The following PXN variants were observed in gnomAD, a reference collection of about 807,000 sequenced individuals.
PXN encodes testicular tissue protein Li 134.
A neutral mutation model predicts 103.6 loss-of-function variants in PXN; 61 were observed. The observed-to-expected ratio is 0.59, with a 90% confidence interval of 0.48 to 0.73. PXN has a LOEUF of 0.73. PXN is among the 30% of genes least tolerant of loss of function. The pLI, the probability that PXN is intolerant of heterozygous loss-of-function variation, is 0.00. For missense variants in PXN, 1,274 were observed against 1,460.3 expected (o/e 0.87, Z 2.08); for synonymous variants, 562 against 607.8 (o/e 0.92, Z 1.11).
At chr12:120,255,249 G>T (rs1892816871) in intron 1 of PXN, among the ~76,000 whole-genome samples, 1 of 152,192 alleles carries the variant, frequency 6.6e-6, no homozygotes, top group Non-Finnish European at 1.5e-5. Flanking sequence ...CCTCCACTCA[G>T]GGATCAGAGG....
rs1393089970 is a variant in PXN at position 120,265,034 on chromosome 12, G to A, written c.13+583C>T. ...TGTGGTCATCACACGCTCATCTCTA[G>A]CTTTTGCATCTGACTTGTGAAATGA... On this transcript the variant is annotated intron_variant, in intron 1 of 14. Transcript: ENST00000637617. The surrounding 1 kb of genome is among the most constrained non-coding windows in gnomAD (Gnocchi z 5.7). Among the ~76,000 whole-genome samples the A allele has an allele frequency of 2.0e-5, 3 of 152,014 alleles. No individual in the cohort carries two copies. The highest frequency in any genetic ancestry group is 4.4e-5 in the Non-Finnish European group (3 of 68,018).
chr12:120,215,988 G>C lies in PXN; in HGVS notation c.2301+285C>G. On this transcript the variant is annotated intron_variant, in intron 9 of 14. Coordinates refer to ENST00000637617, the MANE Select transcript of PXN (RefSeq NM_001385981.1). This position sits in a 1 kb window ranked among gnomAD's most constrained non-coding sequence, Gnocchi z 4.9. ...ACAGGTTTCTGGTCTCCCTTCTGGA[G>C]TGGCTTCTTTCCTCGATGGGAGCCC... is the stretch of plus-strand genomic sequence containing the variant. 7.3e-7 allele frequency: 1 copy of C among 1,371,746 alleles called. No individual in the cohort carries two copies. Among genetic ancestry groups the C allele is most frequent in the Non-Finnish European group, 9.4e-7 (1 of 1,063,224 alleles). The allele number at this position is 1,371,746 out of a possible 1,614,324, so 85.0% of individuals were successfully genotyped here.
chr12:120,259,986 G>A (rs934594547), intron 1 of PXN, among the ~76,000 whole-genome samples: 1 of 152,190 alleles, frequency 6.6e-6, no homozygotes, highest in Admixed American at 6.5e-5. Flanking sequence ...CGGGTGCAGC[G>A]GGGCTGGGGG....
chr12:120,241,429 C>T (rs888781158), intron 1 of PXN, among the ~76,000 whole-genome samples: 2 of 152,250 alleles, frequency 1.3e-5, no homozygotes, highest in African/African-American at 2.4e-5. Flanking sequence ...ACCTGTCTCA[C>T]GTGCCTCCTC....
At position 120,220,189 on chromosome 12, in the gene PXN, A is replaced by C; in HGVS notation, c.832-98T>G. On this transcript the variant is annotated intron_variant, in intron 6 of 14. Transcript: ENST00000637617. The surrounding 1 kb of genome is among the most constrained non-coding windows in gnomAD (Gnocchi z 6.1). ...GGCGGTGGGCTCGGCCTTAGGGCTG[A>C]CCAAGGTGGCTGCAAAGCTGACGCA... The C allele has an allele frequency of 1.9e-6, 1 of 527,222 alleles. No homozygotes were observed. 32.7% of individuals were successfully genotyped at this position (527,222 alleles called of 1,614,324 possible). A position where few individuals can be genotyped will look rare whatever the true frequency, so the allele number is the denominator to read the frequency against.
intron 1 of PXN, among the ~76,000 whole-genome samples, chr12:120,227,460 C>T (rs1887115808): frequency 6.6e-6 from 1 of 152,234 alleles, no homozygotes; most frequent in Non-Finnish European, 1.5e-5. Context: ...ACAATTGCAC[C>T]ACTGCACTCT....
In PXN at chr12:120,249,677, C is replaced by T. The variant is rs964477965; in HGVS notation, c.13+15940G>A. Among the ~76,000 whole-genome samples the T allele has an allele frequency of 5.9e-5, 9 of 152,280 alleles. 1 individual carries two copies. Among genetic ancestry groups the T allele is most frequent in the Middle Eastern group, 3.4e-3 (1 of 294 alleles). On this transcript the variant is annotated intron_variant, in intron 1 of 14. Coordinates refer to ENST00000637617, the MANE Select transcript of PXN (RefSeq NM_001385981.1). ...AGTGACCACAGGAAGCCATGACAAC[C>T]GCCTCCAGGTAACGATCTTCTTCCC... is the stretch of plus-strand genomic sequence containing the variant.
Position 120,229,335 on chromosome 12 carries a change from G to T in PXN, c.14-4958C>A, listed in dbSNP as rs534862805. 1.3e-5 allele frequency among the ~76,000 whole-genome samples: 2 copies of T among 152,324 alleles called. No individual in the cohort carries two copies. The highest frequency in any genetic ancestry group is 3.9e-4 in the East Asian group (2 of 5,182). ...AAGCCCCTGCCACTTCTTAGTGTGT[G>T]ATAAAGACTATCAAGACCAGAGGCC... is the stretch of plus-strand genomic sequence containing the variant. On this transcript the variant is annotated intron_variant, in intron 1 of 14. Coordinates refer to ENST00000637617, the MANE Select transcript of PXN (RefSeq NM_001385981.1). The surrounding 1 kb of genome is among the most constrained non-coding windows in gnomAD (Gnocchi z 4.0).
intron 1 of PXN, among the ~76,000 whole-genome samples, chr12:120,244,527 A>C (rs1222279369): frequency 1.3e-5 from 2 of 152,076 alleles, no homozygotes; most frequent in African/African-American, 4.8e-5. Flanking sequence ...GGGCGCCTGT[A>C]GTCCCAGCTA....
Position 120,214,801 on chromosome 12 carries a change from C to T in PXN, c.2748+24G>A, listed in dbSNP as rs776002139. ...TGAAGCTGGAATGAGCGGAAGCGGGCGCGGTGCCGGATGAGGAACTCACAT... is the reference window on the plus strand; with the variant it reads ...TGAAGCTGGAATGAGCGGAAGCGGGTGCGGTGCCGGATGAGGAACTCACAT... On this transcript the variant is annotated intron_variant, in intron 12 of 14. Transcript: ENST00000637617. The surrounding 1 kb of genome is among the most constrained non-coding windows in gnomAD (Gnocchi z 5.0). 20 of 1,612,568 alleles carry T rather than the reference C, an allele frequency of 1.2e-5. No individual in the cohort carries two copies. The highest frequency in any genetic ancestry group is 1.7e-4 in the Middle Eastern group (1 of 6,018).
At position 120,217,599 on chromosome 12, in the gene PXN, G is replaced by A. The variant is rs1445666028; in HGVS notation, c.1717-483C>T. Reference sequence around the variant, plus strand: ...CTTCCAGGAACTTTTTTTTGGGGGGGGACAGAGTCTCGCTCTGTCGCCCAG... The same window carrying A: ...CTTCCAGGAACTTTTTTTTGGGGGGAGACAGAGTCTCGCTCTGTCGCCCAG... On this transcript the variant is annotated intron_variant, in intron 7 of 14. Coordinates refer to ENST00000637617, the MANE Select transcript of PXN (RefSeq NM_001385981.1). The surrounding 1 kb of genome is among the most constrained non-coding windows in gnomAD (Gnocchi z 4.1). Among the ~76,000 whole-genome samples the A allele has an allele frequency of 1.3e-5, 2 of 151,074 alleles. No homozygotes were observed. The highest frequency in any genetic ancestry group is 4.9e-5 in the African/African-American group (2 of 41,050).
At position 120,265,495 on chromosome 12, in the gene PXN, C is replaced by T; in HGVS notation, c.13+122G>A. On this transcript the variant is annotated intron_variant, in intron 1 of 14. Transcript: ENST00000637617. The surrounding 1 kb of genome is among the most constrained non-coding windows in gnomAD (Gnocchi z 5.7). Reference sequence around the variant, plus strand: ...CCCGCGGAGCCCCGGCCGGCAGGGACAGGAGCTGAGGCCGGGGCCGCCGAG... The same window carrying T: ...CCCGCGGAGCCCCGGCCGGCAGGGATAGGAGCTGAGGCCGGGGCCGCCGAG... 8.6e-7 allele frequency: 1 copy of T among 1,166,954 alleles called. No homozygotes were observed. The allele number at this position is 1,166,954 out of a possible 1,614,324, so 72.3% of individuals were successfully genotyped here.
At chr12:120,223,681 C>T (rs762639057) in intron 3 of PXN, 37 bp downstream of exon 3, 1 of 1,472,046 alleles carries the variant, frequency 6.8e-7, no homozygotes, top group South Asian at 1.2e-5. Flanking sequence ...GATTTCTAAG[C>T]AGGAGGGAAG....
chr12:120,222,909 C>T lies in PXN; in HGVS notation c.447G>A (p.Leu149=), dbSNP rs200263365. 1.0e-4 allele frequency: 164 copies of T among 1,613,970 alleles called. 1 individual carries two copies. The African/African-American group carries it at 2.1e-3, about 20-fold the overall frequency. Residue 149 remains leucine, a synonymous_variant, in exon 4 of 15, where the codon CTG becomes CTA. Coordinates refer to ENST00000637617, the MANE Select transcript of PXN (RefSeq NM_001385981.1). The surrounding 1 kb of genome is among the most constrained non-coding windows in gnomAD (Gnocchi z 4.7). ...TATGCTGTACAGCGTTCAGTTCCAG[C>T]AGCAGGCGGTCGAGTTCAGAAAGGT... ...GSNLSELDRL[L]LELNAVQHNP...
chr12:120,258,379 C>T (rs1566438353), intron 1 of PXN, among the ~76,000 whole-genome samples: 1 of 152,130 alleles, frequency 6.6e-6, no homozygotes, highest in African/African-American at 2.4e-5. Flanking sequence ...CTTTTTTCTG[C>T]ACAGGTCACA....
chr12:120,219,223 A>G lies in PXN; in HGVS notation c.1700T>C (p.Ile567Thr), dbSNP rs1157616791. The G allele has an allele frequency of 3.8e-6, 6 of 1,578,488 alleles. No homozygotes were observed. Among genetic ancestry groups the G allele is most frequent in the East Asian group, 2.2e-5 (1 of 44,468 alleles). ...AMGTPSTTER[I>T]STSGQIRSVI... ...GGTGCCTGCCTGGCCAGAGGTGGAAATCCTCTCCGTGGTGCTGGGTGTGCC... is the reference window on the plus strand; with the variant it reads ...GGTGCCTGCCTGGCCAGAGGTGGAAGTCCTCTCCGTGGTGCTGGGTGTGCC... The change falls in exon 7 of 15, where the codon ATT becomes ACT. Residue 567 changes from isoleucine (I) to threonine (T), a missense_variant. By Grantham distance (89) the Ile-to-Thr change is moderately conservative. Around this residue, in one of 2 missense-constraint regions of PXN, gnomAD observed 1,178 missense variants for 1,309.0 expected, o/e 0.90. Coordinates refer to ENST00000637617, the MANE Select transcript of PXN (RefSeq NM_001385981.1). The surrounding 1 kb of genome is among the most constrained non-coding windows in gnomAD (Gnocchi z 6.5).
In PXN at chr12:120,211,899, G is replaced by A. The variant is rs761589305; in HGVS notation, c.*415C>T. 14 of 521,834 alleles carry A rather than the reference G, an allele frequency of 2.7e-5. No individual in the cohort carries two copies. The highest frequency in any genetic ancestry group is 1.1e-4 in the East Asian group (2 of 18,514). The allele number at this position is 521,834 out of a possible 1,614,324, so 32.3% of individuals were successfully genotyped here. A position where few individuals can be genotyped will look rare whatever the true frequency, so the allele number is the denominator to read the frequency against. On this transcript the variant is annotated 3_prime_UTR_variant, in exon 15 of 15. Coordinates refer to ENST00000637617, the MANE Select transcript of PXN (RefSeq NM_001385981.1). ...ATCACAGAACAAAGACAATTAGGTC[G>A]GGGGAGGAATAAGGATAAAAAGAGA...
chr12:120,244,576 AG>A (rs1782291068), intron 1 of PXN, among the ~76,000 whole-genome samples: 1 of 150,084 alleles, frequency 6.7e-6, no homozygotes, highest in Admixed American at 6.7e-5. Context: ...TGAACCCGGG[AG>A]GCGGAGCTTG....
In PXN at chr12:120,216,876, G is replaced by C. The variant is rs777818452; in HGVS notation, c.1957C>G (p.Arg653Gly). The change falls in exon 8 of 15, where the codon CGT becomes GGT. Residue 653 changes from arginine to glycine, a missense_variant. Physicochemically the swap from Arg to Gly is moderately radical, Grantham distance 125. Coordinates refer to ENST00000637617, the MANE Select transcript of PXN (RefSeq NM_001385981.1). This position sits in a 1 kb window ranked among gnomAD's most constrained non-coding sequence, Gnocchi z 5.1. ...TEGVIITVQP[R>G]GKRAGGQLVE... is the part of the protein sequence containing the mutation. ...AGCTGCCCCCCGGCCCGCTTCCCAC[G>C]TGGCTGCACAGTGATGATGACGCCC... 6.6e-7 allele frequency: 1 copy of C among 1,506,228 alleles called. No individual in the cohort carries two copies. Among genetic ancestry groups the C allele is most frequent in the East Asian group, 2.4e-5 (1 of 41,092 alleles). The allele number at this position is 1,506,228 out of a possible 1,614,324, so 93.3% of individuals were successfully genotyped here. A position where few individuals can be genotyped will look rare whatever the true frequency, so the allele number is the denominator to read the frequency against.
Sources: allele counts gnomAD v4.1 joint callset (sites outside exome capture counted in the v4.1 genomes callset), GRCh38; gene constraint gnomAD v4.1.1; regional missense constraint gnomAD v4.1.1; non-coding constraint Gnocchi (gnomAD v3.1); transcripts MANE v1.5; gene names NCBI Gene and HGNC (gene_info 2026-07-23, HGNC 2026-07-21).